The following HPF1 variants were observed in gnomAD, a reference collection of about 807,000 sequenced individuals.
HPF1 encodes UPF0609 protein C4orf27.
Under a neutral mutation model 38.8 loss-of-function variants are expected in HPF1, and 35 were observed. That is an observed-to-expected ratio of 0.90 (90% CI 0.69 to 1.19). The LOEUF (loss-of-function observed/expected upper bound fraction) is 1.19, where lower values mean the gene tolerates loss of function less well. Among genes scored for constraint, HPF1 ranks in the 50% most tolerant of loss-of-function variants. The pLI, the probability that HPF1 is intolerant of heterozygous loss-of-function variation, is 0.00. For missense variants in HPF1, 367 were observed against 405.8 expected, an observed-to-expected ratio of 0.90 and a Z score of 0.82; for synonymous variants, 115 against 139.2, an observed-to-expected ratio of 0.83 and a Z score of 1.22.
At chr4:169,744,115 G>C (rs1734014648) in intron 4 of HPF1, among the ~76,000 whole-genome samples, 1 of 152,136 alleles carries the variant, frequency 6.6e-6, no homozygotes, top group Non-Finnish European at 1.5e-5. Flanking sequence ...GATCATGTCA[G>C]TCCTATGTGA....
At chr4:169,748,394 A>G (rs2150292572) in intron 4 of HPF1, among the ~76,000 whole-genome samples, 1 of 151,518 alleles carries the variant, frequency 6.6e-6, no homozygotes, top group East Asian at 1.9e-4. Context: ...TTTTGGAGAT[A>G]GAGTCTCACT....
chr4:169,755,010 C>T (rs1248448824), intron 1 of HPF1, among the ~76,000 whole-genome samples: 1 of 151,756 alleles, frequency 6.6e-6, no homozygotes, highest in Non-Finnish European at 1.5e-5. Flanking sequence ...TGTTGGTGTA[C>T]TGCACCCATT....
chr4:169,741,844 C>T, intron 5 of HPF1, 113 bp downstream of exon 5: 2 of 832,850 alleles, frequency 2.4e-6, no homozygotes, highest in Non-Finnish European at 3.7e-6. Flanking sequence ...GGGACAGCAT[C>T]CAGTTCTTAA....
At chr4:169,753,118 C>G (rs1217410300) in intron 2 of HPF1, among the ~76,000 whole-genome samples, 1 of 148,884 alleles carries the variant, frequency 6.7e-6, no homozygotes, top group African/African-American at 2.5e-5. Flanking sequence ...ACTGCAGCCT[C>G]TGCTTCCCAG....
intron 6 of HPF1, among the ~76,000 whole-genome samples, chr4:169,736,879 T>C (rs6832030): frequency 0.13 from 19,930 of 152,172 alleles, 2,413 homozygotes; most frequent in African/African-American, 0.33. Context: ...ATGTTTAACG[T>C]AGCAATAACT....
chr4:169,735,127 CAAAAAAAA>C (rs375885652), intron 6 of HPF1, among the ~76,000 whole-genome samples: 2,114 of 98,458 alleles, frequency 0.021, 62 homozygotes, highest in African/African-American at 0.063. Context: ...AATTCCATCT[CAAAAAAAA>C]AAAAAAAGAA....
chr4:169,751,291 TA>T (rs1221598030), intron 2 of HPF1, among the ~76,000 whole-genome samples: 1 of 150,526 alleles, frequency 6.6e-6, no homozygotes, highest in East Asian at 1.9e-4. Flanking sequence ...TAATCCCAGC[TA>T]TTGGAGAGGC....
intron 6 of HPF1, 111 bp from the exon 7 acceptor site, chr4:169,731,987 T>C (rs1238616901): frequency 3.6e-6 from 3 of 834,232 alleles, no homozygotes; most frequent in Admixed American, 5.6e-5. Flanking sequence ...TTTGTACTAA[T>C]ACAACTTGTG....
At chr4:169,740,207 T>A (rs928355980) in intron 5 of HPF1, among the ~76,000 whole-genome samples, 1 of 152,140 alleles carries the variant, frequency 6.6e-6, no homozygotes, top group African/African-American at 2.4e-5. Flanking sequence ...AGTAAGAAGA[T>A]GGGGTGGAAA....
chr4:169,750,101 C>T lies in HPF1; in HGVS notation c.398+435G>A, dbSNP rs377051144. ...TCATAATATTCCTATCAGGTATGTA[C>T]AGTTATCCCTATTGTTACAAGACAG... On this transcript the variant is annotated intron_variant, in intron 3 of 7. Coordinates refer to ENST00000393381, the MANE Select transcript of HPF1 (RefSeq NM_017867.3). Among the ~76,000 whole-genome samples the T allele has an allele frequency of 1.6e-4, 24 of 152,230 alleles. No individual in the cohort carries two copies. In the East Asian group the frequency reaches 1.9e-3, roughly 12 times the overall value.
At position 169,748,767 on chromosome 4, in the gene HPF1, T is replaced by G; in HGVS notation, c.474A>C (p.Gly158=). 6.9e-7 allele frequency: 1 copy of G among 1,444,686 alleles called. No homozygotes were observed. The highest frequency in any genetic ancestry group is 9.4e-7 in the Non-Finnish European group (1 of 1,058,916). 89.5% of individuals were successfully genotyped at this position (1,444,686 alleles called of 1,614,324 possible). Residue 158 remains glycine, a synonymous_variant, in exon 4 of 8, where the codon GGA becomes GGC. Transcript: ENST00000393381. ...ACTTGACTGCAGCAAATACATTATC[T>G]CCATTTGGAACAATTATACAATTTT... is the stretch of plus-strand genomic sequence containing the variant. ...AKKNCIIVPN[G]DNVFAAVKLF...
At chr4:169,735,829 GGA>G (rs1243019216) in intron 6 of HPF1, among the ~76,000 whole-genome samples, 1 of 151,652 alleles carries the variant, frequency 6.6e-6, no homozygotes, top group African/African-American at 2.4e-5. Context: ...GCTTCAAAGA[GGA>G]GATATAGGAC....
intron 2 of HPF1, 22 bp from the exon 3 acceptor site, chr4:169,750,747 A>G: frequency 2.6e-6 from 4 of 1,533,648 alleles, no homozygotes; most frequent in Non-Finnish European, 3.6e-6. Context: ...ATAAATTTAG[A>G]CAATACTTTC....
intron 4 of HPF1, among the ~76,000 whole-genome samples, chr4:169,746,949 G>T (rs1734056282): frequency 7.3e-6 from 1 of 137,074 alleles, no homozygotes; most frequent in Non-Finnish European, 1.6e-5. Context: ...TACCAGAAGA[G>T]TCTTGGGTTA....
Position 169,757,865 on chromosome 4 carries a change from C to T in HPF1, c.13G>A (p.Gly5Ser). Residue 5 changes from glycine (G) to serine (S), a missense_variant, in exon 1 of 8, where the codon GGC becomes AGC. Coordinates refer to ENST00000393381, the MANE Select transcript of HPF1 (RefSeq NM_017867.3). ...TCTCCGCCGGGCCTGCGCTTCCCGC[C>T]ACCGCCGACCATTCTGCAGCTGCAG... MVGG[G>S]GKRRPGGEGP... is the part of the protein sequence containing the mutation. 1 of 1,562,414 alleles carries T rather than the reference C, an allele frequency of 6.4e-7. No individual in the cohort carries two copies. Among genetic ancestry groups the T allele is most frequent in the Non-Finnish European group, 8.6e-7 (1 of 1,161,024 alleles).
chr4:169,742,986 A>G (rs1733996747), intron 4 of HPF1, among the ~76,000 whole-genome samples: 2 of 151,294 alleles, frequency 1.3e-5, no homozygotes, highest in Admixed American at 1.3e-4. Context: ...CTGTATTCAC[A>G]GCTACCCGGG....
chr4:169,753,574 C>T, intron 2 of HPF1, 102 bp downstream of exon 2: 3 of 970,814 alleles, frequency 3.1e-6, no homozygotes, highest in Non-Finnish European at 1.6e-6. Flanking sequence ...AGGCAATCCT[C>T]CTGCCTCAGC....
At chr4:169,742,532 C>T (rs1430816418) in intron 4 of HPF1, among the ~76,000 whole-genome samples, 3 of 152,202 alleles carry the variant, frequency 2.0e-5, no homozygotes, top group Non-Finnish European at 4.4e-5. Context: ...GTGGCTCACG[C>T]CTGTAATCCC....
intron 1 of HPF1, among the ~76,000 whole-genome samples, chr4:169,754,154 C>A (rs1316130548): frequency 3.3e-5 from 5 of 152,042 alleles, no homozygotes; most frequent in African/African-American, 4.8e-5. Flanking sequence ...CAGATTTTGC[C>A]CTCTTTTGGT....
Sources: gnomAD v4.1 joint callset for allele counts (sites outside exome capture counted in the v4.1 genomes callset) on GRCh38, gnomAD v4.1.1 for gene constraint, MANE v1.5 for transcripts, NCBI Gene and HGNC (gene_info 2026-07-23, HGNC 2026-07-21) for gene names.